BNC2: variants seen among roughly 807,000 people sequenced by gnomAD.
BNC2 encodes basonuclin zinc finger protein 2, also known as zinc finger protein basonuclin-2.
BNC2 carries 20 observed loss-of-function variants against 76.3 expected under a neutral mutation model. The observed-to-expected ratio is 0.26, with a 90% CI of 0.18 to 0.38. The LOEUF (loss-of-function observed/expected upper bound fraction) is 0.38, where lower values mean the gene tolerates loss of function less well. Among genes scored for constraint, BNC2 ranks in the 10% least tolerant of loss-of-function variants. The pLI, the probability that BNC2 is intolerant of heterozygous loss-of-function variation, is 1.00. For missense variants in BNC2, 1,382 were observed against 1,399.8 expected (o/e 0.99, Z 0.20); for synonymous variants, 582 against 514.8 (o/e 1.13, Z -1.77).
At chr9:16,717,571 C>T (rs1419973742) in intron 3 of BNC2, among the ~76,000 whole-genome samples, 1 of 152,102 alleles carries the variant, frequency 6.6e-6, no homozygotes, top group African/African-American at 2.4e-5. Flanking sequence ...CAGCTGACTG[C>T]AAATATGTAA....
chr9:16,432,120 T>C (rs6475053), intron 6 of BNC2, among the ~76,000 whole-genome samples: 72,128 of 152,166 alleles, frequency 0.47, 18,702 homozygotes, highest in African/African-American at 0.68. Context: ...ATGAATCAGA[T>C]TTTGTGTGTA....
intron 1 of BNC2, among the ~76,000 whole-genome samples, chr9:16,815,831 G>A (rs546796979): frequency 6.6e-6 from 1 of 152,248 alleles, no homozygotes; most frequent in South Asian, 2.1e-4. Flanking sequence ...TATCTTTCAA[G>A]TAAGACAGAG....
At chr9:16,863,713 G>C (rs1162813587) in intron 1 of BNC2, among the ~76,000 whole-genome samples, 2 of 152,032 alleles carry the variant, frequency 1.3e-5, no homozygotes, top group African/African-American at 2.4e-5. Flanking sequence ...CCTTAACAGA[G>C]AAAGTACAAC....
chr9:16,681,477 C>T (rs770010614), intron 3 of BNC2, among the ~76,000 whole-genome samples: 1 of 152,038 alleles, frequency 6.6e-6, no homozygotes, highest in African/African-American at 2.4e-5. Context: ...AAGAGCACTG[C>T]AAAGATCTCA....
intron 3 of BNC2, among the ~76,000 whole-genome samples, chr9:16,679,540 A>G (rs760612508): frequency 4.3e-4 from 65 of 152,322 alleles, no homozygotes; most frequent in Non-Finnish European, 7.6e-4. Flanking sequence ...GATGGTTTAA[A>G]TTATTTCATC....
intron 5 of BNC2, among the ~76,000 whole-genome samples, chr9:16,453,323 G>C (rs1162858876): frequency 1.3e-5 from 2 of 152,150 alleles, no homozygotes. Flanking sequence ...GAAGCAGTTT[G>C]AGTTGAGCCC....
At chr9:16,754,312 G>C (rs187910268) in intron 1 of BNC2, among the ~76,000 whole-genome samples, 1 of 152,254 alleles carries the variant, frequency 6.6e-6, no homozygotes, top group East Asian at 1.9e-4. Context: ...TCCCTAAAGT[G>C]TCTCTGGATA....
chr9:16,596,490 G>C lies in BNC2; in HGVS notation c.331-13405C>G, dbSNP rs534067024. ...TAGCAACAATGCAAAATGAAAATTC[G>C]TATTTTATTTTTACCTCTTTACACC... is the stretch of plus-strand genomic sequence containing the variant. On this transcript the variant is annotated intron_variant, in intron 3 of 6. Coordinates refer to ENST00000380672, the MANE Select transcript of BNC2 (RefSeq NM_017637.6). Among the ~76,000 whole-genome samples the C allele has an allele frequency of 5.1e-3, 780 of 152,122 alleles. 5 individuals carry two copies. Among genetic ancestry groups the C allele is most frequent in the African/African-American group, 0.018 (734 of 41,520 alleles).
chr9:16,482,393 G>C (rs1459143405), intron 5 of BNC2, among the ~76,000 whole-genome samples: 1 of 151,954 alleles, frequency 6.6e-6, no homozygotes, highest in Non-Finnish European at 1.5e-5. Context: ...CAACCCAATA[G>C]TGTTGGGAAA....
intron 3 of BNC2, among the ~76,000 whole-genome samples, chr9:16,644,128 C>T (rs1821562136): frequency 6.6e-6 from 1 of 152,150 alleles, no homozygotes; most frequent in South Asian, 2.1e-4. Flanking sequence ...TCTATTCTGC[C>T]TTTCTACAAT....
At chr9:16,655,084 C>T (rs964668914) in intron 3 of BNC2, among the ~76,000 whole-genome samples, 2 of 151,764 alleles carry the variant, frequency 1.3e-5, no homozygotes, top group African/African-American at 2.4e-5. Context: ...GTCTCACTCA[C>T]ATACACCTCT....
intron 5 of BNC2, among the ~76,000 whole-genome samples, chr9:16,509,152 C>T (rs999294624): frequency 3.3e-5 from 5 of 152,110 alleles, no homozygotes; most frequent in African/African-American, 1.2e-4. Context: ...TAAACTCACC[C>T]CAAATGTCCA....
chr9:16,639,770 T>A (rs1245045961), intron 3 of BNC2, among the ~76,000 whole-genome samples: 1 of 152,072 alleles, frequency 6.6e-6, no homozygotes, highest in African/African-American at 2.4e-5. Context: ...TTTTTTTTAA[T>A]ACTTAGCCAG....
intron 1 of BNC2, among the ~76,000 whole-genome samples, chr9:16,861,016 C>T (rs928485367): frequency 1.4e-5 from 2 of 141,646 alleles, no homozygotes; most frequent in African/African-American, 2.6e-5. Context: ...ACTGCCTGAG[C>T]GCCAGAGCAA....
At chr9:16,792,248 T>A (rs1326715807) in intron 1 of BNC2, among the ~76,000 whole-genome samples, 1 of 151,986 alleles carries the variant, frequency 6.6e-6, no homozygotes, top group Non-Finnish European at 1.5e-5. Context: ...TAACCCCCAT[T>A]CAGAATACCA....
chr9:16,638,500 A>C (rs1563875303), intron 3 of BNC2, among the ~76,000 whole-genome samples: 2 of 152,044 alleles, frequency 1.3e-5, no homozygotes, highest in Non-Finnish European at 2.9e-5. Context: ...TTAAACACCC[A>C]AAAAAAGTCT....
At chr9:16,506,511 CTCTTTT>C (rs1587109717) in intron 5 of BNC2, among the ~76,000 whole-genome samples, 1 of 81,450 alleles carries the variant, frequency 1.2e-5, no homozygotes, top group East Asian at 4.7e-4. Flanking sequence ...TCTCTCTCTC[CTCTTTT>C]TTTTTTTTTT....
rs57153397 is a variant in BNC2, at chr9:16,480,605, A to G, written c.670-43081T>C. ...GCTTGGCGGGCCCCACACTTGGAGCAGCAGGCCGGCCCTGCTGGACCGGGC... is the reference window on the plus strand; with the variant it reads ...GCTTGGCGGGCCCCACACTTGGAGCGGCAGGCCGGCCCTGCTGGACCGGGC... On this transcript the variant is annotated intron_variant, in intron 5 of 6. Coordinates refer to ENST00000380672, the MANE Select transcript of BNC2 (RefSeq NM_017637.6). 2.3e-3 allele frequency among the ~76,000 whole-genome samples: 349 copies of G among 152,306 alleles called. 3 individuals carry two copies. Among genetic ancestry groups the G allele is most frequent in the African/African-American group, 8.2e-3 (340 of 41,572 alleles).
intron 1 of BNC2, among the ~76,000 whole-genome samples, chr9:16,785,938 A>G (rs1370552887): frequency 6.6e-6 from 1 of 152,096 alleles, no homozygotes; most frequent in Non-Finnish European, 1.5e-5. Flanking sequence ...CTGTGCACCT[A>G]TTTAGAAGAA....
Sources: gnomAD v4.1 joint callset for allele counts (sites outside exome capture counted in the v4.1 genomes callset) on GRCh38, gnomAD v4.1.1 for gene constraint, MANE v1.5 for transcripts, NCBI Gene and HGNC (gene_info 2026-07-23, HGNC 2026-07-21) for gene names.